HIVEP3: variants seen among roughly 807,000 people sequenced by gnomAD.
HIVEP3 encodes the protein HIVEP zinc finger 3, also known as transcription factor HIVEP3.
A neutral mutation model predicts 152.8 loss-of-function variants in HIVEP3; 49 were observed. The observed-to-expected ratio is 0.32, with a 90% CI of 0.26 to 0.41. HIVEP3 has a LOEUF of 0.41. Ranked by LOEUF, HIVEP3 falls within the 10% of genes least tolerant of loss-of-function variation. The probability of loss-of-function intolerance (pLI) is 1.00; values close to 1 mark genes in which losing one functional copy is unlikely to be tolerated. For synonymous variants in HIVEP3, 1,269 were observed against 1,289.0 expected (o/e 0.98, Z 0.33); for missense variants, 2,790 against 3,103.3 (o/e 0.90, Z 2.40).
chr1:41,998,889 C>CTCTT (rs1557555876), intron 1 of HIVEP3, among the ~76,000 whole-genome samples: 3 of 64,344 alleles, frequency 4.7e-5, no homozygotes, highest in African/African-American at 1.9e-4. Flanking sequence ...TTCTCTCTCT[C>CTCTT]TTTTTTTTTT....
At chr1:41,735,431 C>T (rs56161601) in intron 1 of HIVEP3, among the ~76,000 whole-genome samples, 17,095 of 152,150 alleles carry the variant, frequency 0.11, 2,579 homozygotes, top group African/African-American at 0.34. Context: ...GGGCATGAGT[C>T]CCCCTTGTCT....
intron 5 of HIVEP3, among the ~76,000 whole-genome samples, chr1:41,555,375 G>A (rs917457504): frequency 6.6e-6 from 1 of 152,220 alleles, no homozygotes; most frequent in African/African-American, 2.4e-5. Context: ...GGGCGGCAGT[G>A]TTCCGATTTT....
intron 1 of HIVEP3, among the ~76,000 whole-genome samples, chr1:41,797,569 C>A (rs1650053279): frequency 6.6e-6 from 1 of 152,018 alleles, no homozygotes; most frequent in African/African-American, 2.4e-5. Flanking sequence ...CTTCTAGAAC[C>A]AAGAAGGCAC....
At chr1:41,669,377 G>A (rs1645841744) in intron 2 of HIVEP3, among the ~76,000 whole-genome samples, 1 of 152,148 alleles carries the variant, frequency 6.6e-6, no homozygotes, top group South Asian at 2.1e-4. Context: ...AGGGTGTGAT[G>A]GTTAATTCCA....
intron 1 of HIVEP3, among the ~76,000 whole-genome samples, chr1:41,710,972 A>G (rs1382448934): frequency 6.6e-6 from 1 of 152,250 alleles, no homozygotes; most frequent in African/African-American, 2.4e-5. Flanking sequence ...GACCGGAGAA[A>G]TCAACCAGCT....
At chr1:42,031,717 C>CA (rs796892038) in intron 1 of HIVEP3, among the ~76,000 whole-genome samples, 14 of 152,012 alleles carry the variant, frequency 9.2e-5, no homozygotes, top group African/African-American at 2.4e-4. Context: ...CCCCACCCCC[C>CA]AAAAAATGAG....
Position 41,799,287 on chromosome 1 carries a change from C to T in HIVEP3, c.-800-98292G>A, listed in dbSNP as rs530150404. Among the ~76,000 whole-genome samples, 5 of 152,290 alleles carry T rather than the reference C, an allele frequency of 3.3e-5. No individual in the cohort carries two copies. The East Asian group carries it at 9.6e-4, about 29-fold the overall frequency. On this transcript the variant is annotated intron_variant, in intron 1 of 8. Coordinates refer to ENST00000372583, the MANE Select transcript of HIVEP3 (RefSeq NM_024503.5). ...CCATTGTCTGCTGTCTGCCTCCCTC[C>T]CCAGGATCATTTTTCACCTCTCTCT...
At chr1:41,537,058 A>C in intron 5 of HIVEP3, among the ~76,000 whole-genome samples, 1 of 152,316 alleles carries the variant, frequency 6.6e-6, no homozygotes, top group South Asian at 2.1e-4. Flanking sequence ...CCAAGGTCAT[A>C]TAGCTAGTCA....
intron 1 of HIVEP3, among the ~76,000 whole-genome samples, chr1:41,850,250 CA>C (rs1330647202): frequency 1.3e-5 from 2 of 152,180 alleles, no homozygotes; most frequent in Non-Finnish European, 2.9e-5. Context: ...TGTCTTATAT[CA>C]AAGGAACCAC....
intron 1 of HIVEP3, among the ~76,000 whole-genome samples, chr1:41,772,454 A>G (rs1319708744): frequency 1.3e-5 from 2 of 152,162 alleles, no homozygotes; most frequent in Non-Finnish European, 2.9e-5. Flanking sequence ...AGCTAATACT[A>G]TGATGCACGG....
intron 1 of HIVEP3, among the ~76,000 whole-genome samples, chr1:41,790,713 T>C (rs1184612535): frequency 6.6e-6 from 1 of 152,150 alleles, no homozygotes; most frequent in Non-Finnish European, 1.5e-5. Flanking sequence ...CCCATCACTC[T>C]CTGACTACAA....
intron 1 of HIVEP3, among the ~76,000 whole-genome samples, chr1:41,949,082 C>A (rs1365195510): frequency 6.6e-6 from 1 of 152,138 alleles, no homozygotes; most frequent in Non-Finnish European, 1.5e-5. Context: ...GTAACTCCTC[C>A]CACACAAATA....
Position 41,507,619 on chromosome 1 carries a change from T to A in HIVEP3, c.*2832A>T, listed in dbSNP as rs1193074713. The A allele has an allele frequency of 6.6e-6, 1 of 152,538 alleles. No individual in the cohort carries two copies. Among genetic ancestry groups the A allele is most frequent in the Non-Finnish European group, 1.5e-5 (1 of 68,314 alleles). The allele number at this position is 152,538 out of a possible 1,614,324, so 9.4% of individuals were successfully genotyped here. ...CATCTGTGCCAAGTCAGCCACTGCC[T>A]CCTCTGCTGCTTCCCTCAACAGGCA... On this transcript the variant is annotated 3_prime_UTR_variant, in exon 9 of 9. Transcript: ENST00000372583.
Position 41,581,531 on chromosome 1 carries a change from G to A in HIVEP3, c.3267C>T (p.Ser1089=). The change falls in exon 4 of 9, where the codon TCC becomes TCT. Residue 1089 remains serine (S), a synonymous_variant. Transcript: ENST00000372583. The surrounding 1 kb of genome is among the most constrained non-coding windows in gnomAD (Gnocchi z 4.5). ...PSAKSSLSQI[S]SAATSHGGPP... Reference sequence around the variant, plus strand: ...GTCCACCATGTGAGGTGGCCGCAGAGGAAATCTGGGACAATGAGCTTTTGG... The same window carrying A: ...GTCCACCATGTGAGGTGGCCGCAGAAGAAATCTGGGACAATGAGCTTTTGG... The A allele has an allele frequency of 6.3e-7, 1 of 1,595,846 alleles. No individual in the cohort carries two copies. Among genetic ancestry groups the A allele is most frequent in the Non-Finnish European group, 8.5e-7 (1 of 1,171,084 alleles).
rs1268653846 is a variant in HIVEP3 at position 41,815,537 on chromosome 1, C to T, written c.-801+102876G>A. Among the ~76,000 whole-genome samples the T allele has an allele frequency of 5.3e-5, 8 of 152,130 alleles. No homozygotes were observed. In the East Asian group the frequency reaches 9.7e-4, roughly 18 times the overall value. ...GACAGAAGGAACAACAAGTACAAAG[C>T]CCCTGAGGTAGGAATGGGAATGGTC... On this transcript the variant is annotated intron_variant, in intron 1 of 8. Coordinates refer to ENST00000372583, the MANE Select transcript of HIVEP3 (RefSeq NM_024503.5).
intron 1 of HIVEP3, among the ~76,000 whole-genome samples, chr1:41,796,890 T>C (rs1345019387): frequency 6.6e-6 from 1 of 152,234 alleles, no homozygotes; most frequent in Admixed American, 6.5e-5. Flanking sequence ...TTCAAGTTCC[T>C]GCCATAAAGT....
chr1:42,030,291 G>C (rs1458516702), intron 1 of HIVEP3, among the ~76,000 whole-genome samples: 1 of 152,062 alleles, frequency 6.6e-6, no homozygotes, highest in African/African-American at 2.4e-5. Flanking sequence ...ATTAATGTTA[G>C]CATATTTTAT....
chr1:41,974,173 G>C (rs1022983066), intron 1 of HIVEP3, among the ~76,000 whole-genome samples: 5 of 152,038 alleles, frequency 3.3e-5, no homozygotes, highest in Non-Finnish European at 7.4e-5. Context: ...AGAGAGAAAA[G>C]GGGCAATGTC....
At chr1:41,629,834 A>G (rs1360283531) in intron 2 of HIVEP3, among the ~76,000 whole-genome samples, 1 of 152,260 alleles carries the variant, frequency 6.6e-6, no homozygotes, top group Non-Finnish European at 1.5e-5. Flanking sequence ...GCAGGAATGT[A>G]AGGTAGCTCA....
Sources: allele counts gnomAD v4.1 joint callset (sites outside exome capture counted in the v4.1 genomes callset), GRCh38; gene constraint gnomAD v4.1.1; non-coding constraint Gnocchi (gnomAD v3.1); transcripts MANE v1.5; gene names NCBI Gene and HGNC (gene_info 2026-07-23, HGNC 2026-07-21).